The following DEPDC5 variants were observed in gnomAD, a reference collection of about 807,000 sequenced individuals.
DEPDC5 encodes the protein GATOR1 complex protein DEPDC5.
In DEPDC5, 73 loss-of-function variants were observed where a neutral mutation model predicts 217.3. That is an observed-to-expected ratio of 0.34 (90% CI 0.28 to 0.41). The LOEUF is 0.41. Ranked by LOEUF, DEPDC5 falls within the 10% of genes least tolerant of loss-of-function variation. The pLI is 1.00. For missense variants in DEPDC5, 1,675 were observed against 2,070.1 expected (o/e 0.81, Z 3.70); for synonymous variants, 733 against 756.7 (o/e 0.97, Z 0.51).
intron 7 of DEPDC5, among the ~76,000 whole-genome samples, chr22:31,769,954 G>A (rs1042761339): frequency 6.6e-6 from 1 of 151,252 alleles, no homozygotes; most frequent in Non-Finnish European, 1.5e-5. Flanking sequence ...TTTCAGGTGC[G>A]GTGGCTCACA....
At chr22:31,872,882 G>A (rs1316453321) in intron 34 of DEPDC5, among the ~76,000 whole-genome samples, 1 of 151,970 alleles carries the variant, frequency 6.6e-6, no homozygotes, top group African/African-American at 2.4e-5. Flanking sequence ...AGCCTCCCAA[G>A]TAGCTGAGAC....
At chr22:31,827,044 CCA>C (rs1229736914) in intron 24 of DEPDC5, among the ~76,000 whole-genome samples, 1 of 151,990 alleles carries the variant, frequency 6.6e-6, no homozygotes, top group African/African-American at 2.4e-5. Context: ...CAGGCACATA[CCA>C]CCACACCTGG....
At position 31,790,290 on chromosome 22, in the gene DEPDC5, A is replaced by G. The variant is rs571058707; in HGVS notation, c.625-1743A>G. Among the ~76,000 whole-genome samples the G allele has an allele frequency of 6.6e-5, 10 of 152,286 alleles. No individual in the cohort carries two copies. The South Asian group carries it at 1.7e-3, about 25-fold the overall frequency. Reference sequence around the variant, plus strand: ...TGTAGTCACTAAGCATACTTAAGATAAAGATGGGGTTGGTCAGTATAGGCT... The same window carrying G: ...TGTAGTCACTAAGCATACTTAAGATGAAGATGGGGTTGGTCAGTATAGGCT... On this transcript the variant is annotated intron_variant, in intron 10 of 42. Coordinates refer to ENST00000651528, the MANE Select transcript of DEPDC5 (RefSeq NM_001242896.3).
At chr22:31,772,058 C>T in intron 7 of DEPDC5, among the ~76,000 whole-genome samples, 1 of 152,074 alleles carries the variant, frequency 6.6e-6, no homozygotes, top group East Asian at 1.9e-4. Context: ...CAGAGTCAGA[C>T]TCTGGCTAAA....
In DEPDC5 at chr22:31,760,639, G is replaced by GTT. The variant is rs1569508265; in HGVS notation, c.147-16_147-15dup. 6.2e-7 allele frequency: 1 copy of GTT among 1,611,212 alleles called. No homozygotes were observed. The highest frequency in any genetic ancestry group is 1.7e-5 in the Admixed American group (1 of 59,284). ...CTGTTCACGGTATCCCAACTCTCTT[G>GTT]TTGCTTTCTTTTTCAGCCCTCTGCT... On this transcript the variant is annotated splice_polypyrimidine_tract_variant and intron_variant, in intron 3 of 42. Transcript: ENST00000651528.
At chr22:31,802,588 C>A in intron 14 of DEPDC5, 116 bp from the exon 15 acceptor site, 1 of 1,179,468 alleles carries the variant, frequency 8.5e-7, no homozygotes, top group Non-Finnish European at 1.2e-6. Context: ...TAGAATGTGG[C>A]AGTTGCTATA....
chr22:31,898,995 G>T (rs1288426589), intron 40 of DEPDC5, among the ~76,000 whole-genome samples: 1 of 152,210 alleles, frequency 6.6e-6, no homozygotes. Context: ...TGGTACTATT[G>T]TTTTTATTAT....
At chr22:31,863,949 G>A (rs904370987) in intron 33 of DEPDC5, among the ~76,000 whole-genome samples, 1 of 151,676 alleles carries the variant, frequency 6.6e-6, no homozygotes, top group Non-Finnish European at 1.5e-5. Context: ...AATTATATCA[G>A]AAGTAGTAAG....
At chr22:31,815,307 TC>T in intron 21 of DEPDC5, 95 bp downstream of exon 21, 2 of 1,286,380 alleles carry the variant, frequency 1.6e-6, no homozygotes, top group Non-Finnish European at 2.2e-6. Context: ...GGGGTGTAAA[TC>T]CCACATCTTA....
intron 24 of DEPDC5, among the ~76,000 whole-genome samples, chr22:31,826,673 C>T (rs1252299009): frequency 2.0e-5 from 3 of 152,108 alleles, no homozygotes; most frequent in Admixed American, 6.6e-5. Context: ...ATGCATAACC[C>T]AATTGTACAA....
intron 39 of DEPDC5, among the ~76,000 whole-genome samples, chr22:31,896,962 C>CA (rs2093563787): frequency 6.6e-6 from 1 of 152,072 alleles, no homozygotes; most frequent in Non-Finnish European, 1.5e-5. Flanking sequence ...ACTAAAAATA[C>CA]AAAAATTAGT....
At position 31,798,599 on chromosome 22, in the gene DEPDC5, G is replaced by C. The variant is rs766484562; in HGVS notation, c.889G>C (p.Asp297His). The C allele has an allele frequency of 1.2e-6, 2 of 1,611,018 alleles. No individual in the cohort carries two copies. Among genetic ancestry groups the C allele is most frequent in the East Asian group, 4.5e-5 (2 of 44,784 alleles). ...LEQAEGFPQG[D>H]NSTSAQGNYL... ...TGCTTCAGAGGGCTTTCCTCAAGGA[G>C]ATAATTCTACCTCAGCACAAGGAAA... Residue 297 changes from aspartate to histidine, a missense_variant, in exon 14 of 43, where the codon GAT (aspartate) becomes CAT (histidine). Asp to His is a moderately conservative substitution (Grantham distance 81, BLOSUM62 -1). This residue lies in a region of DEPDC5 where 628 missense variants were observed against 762.1 expected (regional missense o/e 0.82). Coordinates refer to ENST00000651528, the MANE Select transcript of DEPDC5 (RefSeq NM_001242896.3).
intron 20 of DEPDC5, 64 bp from the exon 21 acceptor site, chr22:31,814,928 G>T (rs1291070624): frequency 1.8e-5 from 28 of 1,590,114 alleles, no homozygotes; most frequent in African/African-American, 8.1e-5. Flanking sequence ...ATGGGTTTTA[G>T]TTTTAACTCA....
intron 24 of DEPDC5, among the ~76,000 whole-genome samples, chr22:31,833,209 T>C (rs1025557188): frequency 1.3e-5 from 2 of 152,236 alleles, no homozygotes; most frequent in African/African-American, 2.4e-5. Context: ...ATCAGAATTT[T>C]CTGATAAATA....
At chr22:31,904,162 AC>A (rs1301647412) in intron 41 of DEPDC5, among the ~76,000 whole-genome samples, 2 of 151,144 alleles carry the variant, frequency 1.3e-5, no homozygotes, top group Non-Finnish European at 2.9e-5. Flanking sequence ...GCTGTGACCT[AC>A]CGCTCCTCCT....
At chr22:31,771,855 G>A (rs1420790003) in intron 7 of DEPDC5, among the ~76,000 whole-genome samples, 3 of 151,712 alleles carry the variant, frequency 2.0e-5, no homozygotes, top group Non-Finnish European at 2.9e-5. Context: ...GTTTGCTTGA[G>A]CCTGGGAGTT....
At chr22:31,851,826 G>A (rs905949558) in intron 31 of DEPDC5, among the ~76,000 whole-genome samples, 4 of 152,240 alleles carry the variant, frequency 2.6e-5, no homozygotes, top group African/African-American at 7.2e-5. Context: ...TGGAAAGACA[G>A]TGTGGGAATT....
rs137878553 is a variant in DEPDC5, at chr22:31,818,201, G to C, written c.1667-821G>C. Among the ~76,000 whole-genome samples the C allele has an allele frequency of 7.4e-4, 112 of 152,288 alleles. No individual in the cohort carries two copies. The East Asian group carries it at 0.013, about 18-fold the overall frequency. ...TGTCTACCATTGCGCCAGACAGGTG[G>C]TGTCTAAATATCATACCATCTCCTT... On this transcript the variant is annotated intron_variant, in intron 21 of 42. Coordinates refer to ENST00000651528, the MANE Select transcript of DEPDC5 (RefSeq NM_001242896.3).
At chr22:31,812,962 A>T (rs975417441) in intron 20 of DEPDC5, among the ~76,000 whole-genome samples, 5 of 151,446 alleles carry the variant, frequency 3.3e-5, no homozygotes, top group African/African-American at 1.2e-4. Flanking sequence ...CTGGTCTCGA[A>T]CTCCCGACCC....
Sources: gnomAD v4.1 joint callset for allele counts (sites outside exome capture counted in the v4.1 genomes callset) on GRCh38, gnomAD v4.1.1 for gene constraint, gnomAD v4.1.1 regional missense constraint, MANE v1.5 for transcripts, NCBI Gene and HGNC (gene_info 2026-07-23, HGNC 2026-07-21) for gene names.